FRAS1: variants seen among roughly 807,000 people sequenced by gnomAD.
FRAS1 encodes the protein extracellular matrix organizing protein FRAS1.
In FRAS1, 290 loss-of-function variants were observed where a neutral mutation model predicts 435.2. The ratio of observed to expected loss-of-function variants is 0.67; its 90% confidence interval spans 0.61 to 0.73. The LOEUF is 0.73. FRAS1 is among the 30% of genes least tolerant of loss of function. The pLI, the probability that FRAS1 is intolerant of heterozygous loss-of-function variation, is 0.00. For missense variants in FRAS1, 4,860 were observed against 5,001.5 expected (o/e 0.97, Z 0.85); for synonymous variants, 1,800 against 1,851.0 (o/e 0.97, Z 0.71).
At chr4:78,341,742 T>TTACCA (rs1172338884) in intron 20 of FRAS1, among the ~76,000 whole-genome samples, 1 of 152,042 alleles carries the variant, frequency 6.6e-6, no homozygotes, top group African/African-American at 2.4e-5. Context: ...GGGAATACCA[T>TTACCA]TTACCAAGGG....
intron 47 of FRAS1, among the ~76,000 whole-genome samples, chr4:78,453,308 T>A (rs1378821615): frequency 2.6e-5 from 4 of 152,024 alleles, no homozygotes; most frequent in African/African-American, 9.7e-5. Flanking sequence ...AGGTAGAAGG[T>A]AGTGGGATTT....
At chr4:78,259,460 A>C (rs1725968073) in intron 6 of FRAS1, among the ~76,000 whole-genome samples, 1 of 150,666 alleles carries the variant, frequency 6.6e-6, no homozygotes, top group East Asian at 2.0e-4. Flanking sequence ...ATGGCCAGTG[A>C]TGGTGAGCAT....
At position 78,317,466 on chromosome 4, in the gene FRAS1, C is replaced by T. The variant is rs147869493; in HGVS notation, c.1918C>T (p.Arg640Cys). Residue 640 changes from arginine to cysteine, a missense_variant, in exon 17 of 74, where the codon CGC becomes TGC. Transcript: ENST00000512123. ...TCTGCGTCAAGGCCACTGTCTGCCC[C>T]GCTGTGGAGAGGGTTTCTACTCTGA... ...KALRQGHCLP[R>C]CGEGFYSDHG... The T allele has an allele frequency of 9.9e-4, 1,592 of 1,613,840 alleles. 2 individuals carry two copies. Among genetic ancestry groups the T allele is most frequent in the Middle Eastern group, 4.1e-3 (25 of 6,062 alleles).
chr4:78,362,343 T>G (rs1731101799), intron 20 of FRAS1, among the ~76,000 whole-genome samples: 1 of 152,226 alleles, frequency 6.6e-6, no homozygotes, highest in African/African-American at 2.4e-5. Flanking sequence ...GGAGCCCTGT[T>G]GATGCAGGAT....
chr4:78,410,314 G>T (rs1553956639), intron 31 of FRAS1, among the ~76,000 whole-genome samples: 2 of 151,200 alleles, frequency 1.3e-5, no homozygotes, highest in South Asian at 2.1e-4. Context: ...AATACTTTAT[G>T]ATTATTATTA....
intron 2 of FRAS1, among the ~76,000 whole-genome samples, chr4:78,197,929 A>G (rs1298405936): frequency 2.1e-5 from 2 of 96,012 alleles, no homozygotes; most frequent in African/African-American, 7.4e-5. Flanking sequence ...TGACAGAGTG[A>G]GACTCCCTCT....
At position 78,508,763 on chromosome 4, in the gene FRAS1, A is replaced by AGAAGTTACCAAG. The variant is rs1720929706; in HGVS notation, c.9542_9553dup (p.Val3181_Glu3184dup). ...CACTTGCTGACTATGACCATGTGGA[A>AGAAGTTACCAAG]GAAGTTACCAAGGAAGGAGTCAAGA... On this transcript the variant is annotated inframe_insertion, in exon 63 of 74. Transcript: ENST00000512123. 1 of 1,613,684 alleles carries AGAAGTTACCAAG rather than the reference A, an allele frequency of 6.2e-7. No homozygotes were observed. The highest frequency in any genetic ancestry group is 1.1e-5 in the South Asian group (1 of 91,054).
intron 2 of FRAS1, among the ~76,000 whole-genome samples, chr4:78,216,346 C>G (rs1447900703): frequency 1.3e-5 from 2 of 152,186 alleles, no homozygotes; most frequent in Non-Finnish European, 2.9e-5. Flanking sequence ...GGTCAAGATG[C>G]ACAACCCATA....
At chr4:78,459,567 A>G (rs1719307937) in intron 47 of FRAS1, among the ~76,000 whole-genome samples, 2 of 152,218 alleles carry the variant, frequency 1.3e-5, no homozygotes, top group African/African-American at 2.4e-5. Context: ...AACCTCTTTC[A>G]GTATTGTGAG....
intron 26 of FRAS1, among the ~76,000 whole-genome samples, chr4:78,378,051 C>A (rs1415853380): frequency 2.0e-5 from 3 of 152,054 alleles, no homozygotes; most frequent in African/African-American, 7.3e-5. Context: ...AAAAGGAAAT[C>A]CCATAATATT....
chr4:78,210,506 T>C (rs1012089938), intron 2 of FRAS1, among the ~76,000 whole-genome samples: 3 of 152,198 alleles, frequency 2.0e-5, no homozygotes, highest in Non-Finnish European at 4.4e-5. Flanking sequence ...GTGCCCTGAT[T>C]TGTAATAAAT....
intron 73 of FRAS1, 144 bp from the exon 74 acceptor site, chr4:78,540,387 T>C: frequency 2.1e-6 from 1 of 473,406 alleles, no homozygotes; most frequent in East Asian, 3.3e-5. Context: ...CAGTTCTCTA[T>C]GTATTAGTAG....
At chr4:78,307,185 GA>G (rs1418003100) in intron 14 of FRAS1, among the ~76,000 whole-genome samples, 4 of 152,228 alleles carry the variant, frequency 2.6e-5, no homozygotes, top group South Asian at 2.1e-4. Context: ...TCGGGGGTCA[GA>G]GGTCAGGGAC....
chr4:78,347,787 G>T (rs73827987), intron 20 of FRAS1, among the ~76,000 whole-genome samples: 735 of 54,890 alleles, frequency 0.013, 16 homozygotes, highest in Middle Eastern at 0.044. Context: ...GTGTGTGTGT[G>T]TTTTTTTTTT....
intron 2 of FRAS1, among the ~76,000 whole-genome samples, chr4:78,131,942 C>T (rs990568220): frequency 6.6e-6 from 1 of 152,172 alleles, no homozygotes; most frequent in Non-Finnish European, 1.5e-5. Context: ...AAGTAGGTAC[C>T]TGGGACCATC....
chr4:78,304,597 AGTGTATGT>A (rs1728605135), intron 14 of FRAS1, among the ~76,000 whole-genome samples: 1 of 151,402 alleles, frequency 6.6e-6, no homozygotes, highest in South Asian at 2.1e-4. Flanking sequence ...GTCTTGGGAG[AGTGTATGT>A]GTCGAGGAAT....
rs192054663 is a variant in FRAS1, at chr4:78,436,618, C to T, written c.5218-1952C>T. Among the ~76,000 whole-genome samples, 40 of 151,932 alleles carry T rather than the reference C, an allele frequency of 2.6e-4. No individual in the cohort carries two copies. The East Asian group carries it at 4.1e-3, about 15-fold the overall frequency. The stretch of plus-strand genomic sequence containing the variant: ...GTCTACTAACTTGACAGAATATTAG[C>T]GAACCTAAAGACAGATGAATTATAG... On this transcript the variant is annotated intron_variant, in intron 38 of 73. Transcript: ENST00000512123.
intron 19 of FRAS1, among the ~76,000 whole-genome samples, chr4:78,336,759 C>A (rs1376461368): frequency 2.0e-5 from 3 of 152,120 alleles, no homozygotes; most frequent in East Asian, 3.9e-4. Flanking sequence ...GGGAATTCAT[C>A]AGTTCCTGCA....
At chr4:78,269,321 C>T (rs971291093) in intron 9 of FRAS1, among the ~76,000 whole-genome samples, 6 of 152,126 alleles carry the variant, frequency 3.9e-5, no homozygotes, top group African/African-American at 1.2e-4. Flanking sequence ...TAGGAGCTCC[C>T]GGAGGAAATG....
Sources: gnomAD v4.1 joint callset for allele counts (sites outside exome capture counted in the v4.1 genomes callset) on GRCh38, gnomAD v4.1.1 for gene constraint, MANE v1.5 for transcripts, NCBI Gene and HGNC (gene_info 2026-07-23, HGNC 2026-07-21) for gene names.